The following NINL variants were observed in gnomAD, a reference collection of about 807,000 sequenced individuals.
The protein encoded by NINL is ninein-like protein.
NINL carries 153 observed loss-of-function variants against 160.3 expected under a neutral mutation model. The observed-to-expected ratio is 0.95, with a 90% CI of 0.84 to 1.09. NINL has a LOEUF of 1.09. Among genes scored for constraint, NINL ranks in the 50% least tolerant of loss-of-function variants. The pLI is 0.00. For synonymous variants in NINL, 800 were observed against 734.8 expected (o/e 1.09, Z -1.43); for missense variants, 1,829 against 1,764.0 (o/e 1.04, Z -0.66).
At chr20:25,558,937 C>T (rs186173207) in intron 1 of NINL, among the ~76,000 whole-genome samples, 2 of 152,360 alleles carry the variant, frequency 1.3e-5, no homozygotes, top group East Asian at 1.9e-4. Context: ...GCGAGACACA[C>T]GCTTGCACCT....
Position 25,503,674 on chromosome 20 carries a change from G to A in NINL, c.861+278C>T, listed in dbSNP as rs535198296. The stretch of plus-strand genomic sequence containing the variant: ...CTGTAGTCCCAGGAGGTGTGCACCC[G>A]AACCACCCCCATCTTACACGTGAGC... On this transcript the variant is annotated intron_variant, in intron 7 of 23. Transcript: ENST00000278886. 3.9e-5 allele frequency among the ~76,000 whole-genome samples: 6 copies of A among 152,288 alleles called. No individual in the cohort carries two copies. In the South Asian group the frequency reaches 1.0e-3, roughly 26 times the overall value.
chr20:25,477,144 C>A, intron 16 of NINL, 55 bp from the exon 17 acceptor site: 3 of 1,473,420 alleles, frequency 2.0e-6, no homozygotes, highest in Non-Finnish European at 2.7e-6. Flanking sequence ...GCCCCTCTCT[C>A]GGGTTTGAAG....
At position 25,461,621 on chromosome 20, in the gene NINL, T is replaced by G; in HGVS notation, c.3597A>C (p.Gln1199His). 6.2e-7 allele frequency: 1 copy of G among 1,612,152 alleles called. No homozygotes were observed. The highest frequency in any genetic ancestry group is 8.5e-7 in the Non-Finnish European group (1 of 1,178,672). The change falls in exon 21 of 24, where the codon CAA (glutamine) becomes CAC (histidine). Residue 1199 changes from glutamine to histidine, a missense_variant. Coordinates refer to ENST00000278886, the MANE Select transcript of NINL (RefSeq NM_025176.6). ...GGCATTCAAGTTCAACTCTAAGTTTTTGGATTTGGTCACTCTGTTTTTAAA... is the reference window on the plus strand; with the variant it reads ...GGCATTCAAGTTCAACTCTAAGTTTGTGGATTTGGTCACTCTGTTTTTAAA... ...RSGQQQSDQI[Q>H]KLRVELECLN...
chr20:25,576,295 G>A (rs2065114727), intron 1 of NINL, among the ~76,000 whole-genome samples: 1 of 152,162 alleles, frequency 6.6e-6, no homozygotes, highest in Admixed American at 6.5e-5. Flanking sequence ...TTAGATTCAA[G>A]GGTGGCAGGA....
At chr20:25,582,809 TA>T (rs887216122) in intron 1 of NINL, among the ~76,000 whole-genome samples, 160 of 148,362 alleles carry the variant, frequency 1.1e-3, no homozygotes, top group Non-Finnish European at 1.9e-3. Flanking sequence ...TTTAACTACT[TA>T]AAAAAAAAAC....
intron 21 of NINL, 21 bp downstream of exon 21, chr20:25,461,501 C>G (rs571633226): frequency 6.9e-7 from 1 of 1,458,730 alleles, no homozygotes; most frequent in East Asian, 2.3e-5. Context: ...CCCAGTGCCT[C>G]CAGCCATCGC....
intron 5 of NINL, among the ~76,000 whole-genome samples, chr20:25,506,586 C>G (rs949604395): frequency 6.6e-6 from 1 of 152,222 alleles, no homozygotes; most frequent in Non-Finnish European, 1.5e-5. Context: ...GTAACTGGGC[C>G]TGGCCTACCT....
chr20:25,520,647 G>A (rs558277370), intron 2 of NINL, among the ~76,000 whole-genome samples: 1 of 152,096 alleles, frequency 6.6e-6, no homozygotes, highest in African/African-American at 2.4e-5. Flanking sequence ...ATTCTTAAAG[G>A]ATATTTTTAC....
intron 1 of NINL, among the ~76,000 whole-genome samples, chr20:25,561,885 C>T (rs2064944083): frequency 6.6e-6 from 1 of 151,958 alleles, no homozygotes; most frequent in Admixed American, 6.5e-5. Flanking sequence ...AGCAGCCACC[C>T]CGTCCGGAAG....
chr20:25,539,060 C>T (rs2064612203), intron 1 of NINL, among the ~76,000 whole-genome samples: 1 of 152,208 alleles, frequency 6.6e-6, no homozygotes, highest in Non-Finnish European at 1.5e-5. Context: ...AAAACGTACA[C>T]TAACATGGGC....
chr20:25,490,840 C>A (rs2063616044), intron 11 of NINL, among the ~76,000 whole-genome samples: 2 of 152,086 alleles, frequency 1.3e-5, no homozygotes, highest in African/African-American at 4.8e-5. Context: ...AGGACACAGG[C>A]AGGAGCAGAG....
chr20:25,500,766 T>C, intron 8 of NINL, 74 bp downstream of exon 8: 2 of 1,536,138 alleles, frequency 1.3e-6, no homozygotes, highest in South Asian at 2.5e-5. Context: ...CTTGGGACGC[T>C]CCATCCATCC....
chr20:25,483,977 C>T (rs2146607537), intron 13 of NINL, among the ~76,000 whole-genome samples: 1 of 152,318 alleles, frequency 6.6e-6, no homozygotes, highest in South Asian at 2.1e-4. Context: ...AGGAACACGA[C>T]ATCCACCCAC....
chr20:25,525,676 C>G (rs1350579245), intron 2 of NINL, among the ~76,000 whole-genome samples: 1 of 152,070 alleles, frequency 6.6e-6, no homozygotes, highest in Non-Finnish European at 1.5e-5. Flanking sequence ...AAAGAAAATA[C>G]TGAGTCTTGT....
chr20:25,522,211 C>T (rs191283482), intron 2 of NINL, among the ~76,000 whole-genome samples: 3 of 152,310 alleles, frequency 2.0e-5, no homozygotes, highest in Non-Finnish European at 4.4e-5. Flanking sequence ...CCAAGCCTAT[C>T]GCAGATTTTT....
At chr20:25,508,671 G>C (rs2064008441) in intron 5 of NINL, among the ~76,000 whole-genome samples, 1 of 152,224 alleles carries the variant, frequency 6.6e-6, no homozygotes, top group South Asian at 2.1e-4. Flanking sequence ...GGGGAGCTGG[G>C]GGGCGCTGGC....
chr20:25,561,836 G>A (rs933743017), intron 1 of NINL, among the ~76,000 whole-genome samples: 2 of 151,922 alleles, frequency 1.3e-5, no homozygotes, highest in African/African-American at 4.8e-5. Context: ...CCTCCGCCCG[G>A]CTGCCACCCC....
chr20:25,456,238 T>A (rs1210529868), intron 22 of NINL, among the ~76,000 whole-genome samples: 2 of 73,558 alleles, frequency 2.7e-5, no homozygotes, highest in Admixed American at 2.3e-4. Context: ...TGAGACTCCA[T>A]CTCAAAAAAA....
In NINL at chr20:25,458,376, C is replaced by T. The variant is rs1350335324; in HGVS notation, c.3843+7G>A. The T allele has an allele frequency of 6.2e-7, 1 of 1,605,720 alleles. No homozygotes were observed. The highest frequency in any genetic ancestry group is 1.1e-5 in the South Asian group (1 of 90,992). ...CGTCAGCCATCTCTCGCTGCATCCC[C>T]ACTTACCCGCTGTGCATCCAGGCGC... On this transcript the variant is annotated splice_region_variant and intron_variant, in intron 22 of 23. Transcript: ENST00000278886.
Sources: gnomAD v4.1 joint callset for allele counts (sites outside exome capture counted in the v4.1 genomes callset) on GRCh38, gnomAD v4.1.1 for gene constraint, MANE v1.5 for transcripts, NCBI Gene and HGNC (gene_info 2026-07-23, HGNC 2026-07-21) for gene names.